JAKMIP2: variants seen among roughly 807,000 people sequenced by gnomAD.
JAKMIP2 encodes janus kinase and microtubule interacting protein 2, also known as janus kinase and microtubule-interacting protein 2.
Under a neutral mutation model 115.0 loss-of-function variants are expected in JAKMIP2, and 25 were observed. The ratio of observed to expected loss-of-function variants is 0.22; its 90% confidence interval spans 0.16 to 0.30. JAKMIP2 has a LOEUF of 0.30. Ranked by LOEUF, JAKMIP2 falls within the 10% of genes least tolerant of loss-of-function variation. The probability of loss-of-function intolerance (pLI) is 1.00; values close to 1 mark genes in which losing one functional copy is unlikely to be tolerated. For synonymous variants in JAKMIP2, 334 were observed against 343.6 expected (o/e 0.97, Z 0.31); for missense variants, 642 against 957.6 (o/e 0.67, Z 4.35).
At chr5:147,682,172 T>C (rs1243606080) in intron 1 of JAKMIP2, among the ~76,000 whole-genome samples, 1 of 152,086 alleles carries the variant, frequency 6.6e-6, no homozygotes, top group East Asian at 1.9e-4. Flanking sequence ...ATGCTAAGCA[T>C]GAAGACCTAG....
chr5:147,675,057 A>G (rs1034395194), intron 1 of JAKMIP2, among the ~76,000 whole-genome samples: 5 of 152,234 alleles, frequency 3.3e-5, no homozygotes, highest in African/African-American at 1.2e-4. Context: ...CCCATTGTAA[A>G]TAATGACTAT....
chr5:147,598,136 G>A (rs1431544260), intron 21 of JAKMIP2, among the ~76,000 whole-genome samples: 3 of 152,132 alleles, frequency 2.0e-5, no homozygotes, highest in Non-Finnish European at 4.4e-5. Flanking sequence ...AAGTAGCTGG[G>A]ACTACAGGCG....
intron 1 of JAKMIP2, among the ~76,000 whole-genome samples, chr5:147,711,705 T>C (rs1023695200): frequency 1.3e-5 from 2 of 152,218 alleles, no homozygotes; most frequent in Non-Finnish European, 2.9e-5. Flanking sequence ...CTCGCTCTTG[T>C]TGCCCCAGCT....
rs185328681 is a variant in JAKMIP2, at chr5:147,588,615, C to T, written c.*3092G>A. 1 of 152,036 alleles carries T rather than the reference C, an allele frequency of 6.6e-6. No individual in the cohort carries two copies. Among genetic ancestry groups the T allele is most frequent in the Non-Finnish European group, 1.5e-5 (1 of 68,026 alleles). 9.4% of individuals were successfully genotyped at this position (152,036 alleles called of 1,614,324 possible). ...TCAAGGATATATTCATTTTGAGGCT[C>T]ATGAGCAAGAGTTGGTAAAAATTAC... is the stretch of plus-strand genomic sequence containing the variant. On this transcript the variant is annotated 3_prime_UTR_variant, in exon 22 of 22. Transcript: ENST00000616793.
chr5:147,715,110 A>G (rs1311765035), intron 1 of JAKMIP2, among the ~76,000 whole-genome samples: 1 of 152,136 alleles, frequency 6.6e-6, no homozygotes, highest in African/African-American at 2.4e-5. Flanking sequence ...TTCTTTGATA[A>G]GAGAAGAATA....
Position 147,782,572 on chromosome 5 carries a change from T to A in JAKMIP2, c.-265A>T. 8.9e-7 allele frequency: 1 copy of A among 1,126,250 alleles called. No individual in the cohort carries two copies. Among genetic ancestry groups the A allele is most frequent in the Admixed American group, 2.0e-5 (1 of 50,334 alleles). The allele number at this position is 1,126,250 out of a possible 1,614,324, so 69.8% of individuals were successfully genotyped here. On this transcript the variant is annotated 5_prime_UTR_variant, in exon 1 of 22. Coordinates refer to ENST00000616793, the MANE Select transcript of JAKMIP2 (RefSeq NM_001270941.2). ...CCAACATCAGCAGTGGCTGCCGGTTTTTTTTTTCCCTCTGTCTCTGGTTGG... is the reference window on the plus strand; with the variant it reads ...CCAACATCAGCAGTGGCTGCCGGTTATTTTTTTCCCTCTGTCTCTGGTTGG...
rs770100906 is a variant in JAKMIP2, at chr5:147,644,944, T to C, written c.989A>G (p.Asn330Ser). ...EKQCKPLLER[N>S]KCLAKRNDEL... ...ATCGTTTCTCTTGGCGAGGCACTTG[T>C]TCCTTTCCAGGAGAGGTTTACATTG... The change falls in exon 6 of 22, where the codon AAC becomes AGC. Residue 330 changes from asparagine (N) to serine (S), a missense_variant. Physicochemically the swap from Asn to Ser is conservative, Grantham distance 46. This residue lies in a region of JAKMIP2 where 439 missense variants were observed against 570.9 expected (regional missense o/e 0.77). Coordinates refer to ENST00000616793, the MANE Select transcript of JAKMIP2 (RefSeq NM_001270941.2). 1.5e-5 allele frequency: 24 copies of C among 1,613,784 alleles called. No homozygotes were observed. The highest frequency in any genetic ancestry group is 6.6e-5 in the South Asian group (6 of 91,074).
intron 16 of JAKMIP2, among the ~76,000 whole-genome samples, chr5:147,627,678 TAAAAAAAAA>T (rs768481105): frequency 4.3e-5 from 3 of 70,326 alleles, no homozygotes; most frequent in Admixed American, 2.3e-4. Context: ...AGCCTTTCTG[TAAAAAAAAA>T]AAAAAAAAAA....
chr5:147,677,813 C>CT lies in JAKMIP2; in HGVS notation c.-148-5860dup, dbSNP rs548442784. 1.1e-4 allele frequency among the ~76,000 whole-genome samples: 16 copies of CT among 152,234 alleles called. No individual in the cohort carries two copies. In the South Asian group the frequency reaches 2.7e-3, roughly 26 times the overall value. ...ATTATCATATGCATTAACTCACATA[C>CT]TTTTTTTGTGGTGAGAACACTTAAA... On this transcript the variant is annotated intron_variant, in intron 1 of 21. Transcript: ENST00000616793.
intron 17 of JAKMIP2, 51 bp downstream of exon 17, chr5:147,623,570 T>C: frequency 1.6e-6 from 2 of 1,224,452 alleles, no homozygotes; most frequent in Non-Finnish European, 2.4e-6. Flanking sequence ...TAATTTTCCA[T>C]TTGCCTTGTA....
Position 147,661,205 on chromosome 5 carries a change from C to G in JAKMIP2, c.370G>C (p.Gly124Arg), listed in dbSNP as rs924990107. 18 of 1,613,896 alleles carry G rather than the reference C, an allele frequency of 1.1e-5. No individual in the cohort carries two copies. The highest frequency in any genetic ancestry group is 1.3e-5 in the African/African-American group (1 of 74,872). The change falls in exon 3 of 22, where the codon GGC becomes CGC. Residue 124 changes from glycine (G) to arginine (R), a missense_variant. By Grantham distance (125) the Gly-to-Arg change is moderately radical (BLOSUM62 -2). Transcript: ENST00000616793. The part of the protein sequence containing the change: ...LKSALCALRD[G>R]SSDKVRTALT... Reference sequence around the variant, plus strand: ...GCTGTCCTTACTTTGTCACTGCTGCCGTCGCGGAGAGCACAGAGAGCAGAC... The same window carrying G: ...GCTGTCCTTACTTTGTCACTGCTGCGGTCGCGGAGAGCACAGAGAGCAGAC...
intron 3 of JAKMIP2, among the ~76,000 whole-genome samples, chr5:147,655,835 C>T (rs58108907): frequency 0.1 from 15,745 of 152,114 alleles, 1,293 homozygotes; most frequent in East Asian, 0.35. Flanking sequence ...GCATTTAGTG[C>T]TATAAATTTC....
At chr5:147,648,297 A>G in intron 5 of JAKMIP2, 79 bp downstream of exon 5, 1 of 758,248 alleles carries the variant, frequency 1.3e-6, no homozygotes, top group Non-Finnish European at 2.3e-6. Context: ...CTATTATGGT[A>G]CGTATCTATA....
rs1323253710 is a variant in JAKMIP2, at chr5:147,589,367, A to C, written c.*2340T>G. The C allele has an allele frequency of 6.6e-6, 1 of 151,574 alleles. No individual in the cohort carries two copies. The highest frequency in any genetic ancestry group is 2.4e-5 in the African/African-American group (1 of 41,176). 9.4% of individuals were successfully genotyped at this position (151,574 alleles called of 1,614,324 possible). A position where few individuals can be genotyped will look rare whatever the true frequency, so the allele number is the denominator to read the frequency against. On this transcript the variant is annotated 3_prime_UTR_variant, in exon 22 of 22. Coordinates refer to ENST00000616793, the MANE Select transcript of JAKMIP2 (RefSeq NM_001270941.2). ...GAGGTTGAGGCAGGAGAATCACTTG[A>C]ATCCAGGAGGTGGAGCTTGCCATGA...
At chr5:147,633,607 T>C (rs1026662757) in intron 12 of JAKMIP2, among the ~76,000 whole-genome samples, 5 of 152,176 alleles carry the variant, frequency 3.3e-5, no homozygotes, top group African/African-American at 9.7e-5. Context: ...GGACCTCTAG[T>C]ATAACTTGAG....
rs146236434 is a variant in JAKMIP2 at position 147,635,647 on chromosome 5, C to T, written c.1677+575G>A. Among the ~76,000 whole-genome samples, 950 of 152,220 alleles carry T rather than the reference C, an allele frequency of 6.2e-3. 11 individuals carry two copies. The highest frequency in any genetic ancestry group is 0.022 in the African/African-American group (908 of 41,548). ...CGCAATCTCAGCTCACTGCAACCTC[C>T]GCCTCTTGGGTTCAGATGATTCTCC... On this transcript the variant is annotated intron_variant, in intron 12 of 21. Transcript: ENST00000616793.
chr5:147,628,819 G>A lies in JAKMIP2; in HGVS notation c.1930-3C>T. 6.2e-7 allele frequency: 1 copy of A among 1,611,160 alleles called. No homozygotes were observed. Among genetic ancestry groups the A allele is most frequent in the Admixed American group, 1.7e-5 (1 of 59,934 alleles). Reference sequence around the variant, plus strand: ...ACTTGTTCTTCATTTCTTAAATTCTGTAAAAAATAAGAAAGGCCGTCAGCT... The same window carrying A: ...ACTTGTTCTTCATTTCTTAAATTCTATAAAAAATAAGAAAGGCCGTCAGCT... On this transcript the variant is annotated splice_polypyrimidine_tract_variant and splice_region_variant and intron_variant, in intron 15 of 21. Coordinates refer to ENST00000616793, the MANE Select transcript of JAKMIP2 (RefSeq NM_001270941.2).
chr5:147,601,262 T>C (rs964334778), intron 21 of JAKMIP2, among the ~76,000 whole-genome samples: 3 of 152,192 alleles, frequency 2.0e-5, no homozygotes, highest in African/African-American at 7.2e-5. Context: ...ATGGCATTTA[T>C]GCTAACCAAA....
intron 16 of JAKMIP2, among the ~76,000 whole-genome samples, chr5:147,623,929 G>T (rs1191385977): frequency 6.6e-6 from 1 of 152,094 alleles, no homozygotes; most frequent in Non-Finnish European, 1.5e-5. Flanking sequence ...TCCGCCTCCT[G>T]CTTTCAAGCA....
Sources: gnomAD v4.1 joint callset for allele counts (sites outside exome capture counted in the v4.1 genomes callset) on GRCh38, gnomAD v4.1.1 for gene constraint, gnomAD v4.1.1 regional missense constraint, MANE v1.5 for transcripts, NCBI Gene and HGNC (gene_info 2026-07-23, HGNC 2026-07-21) for gene names.